Variants in NKAIN3 observed in about 807,000 individuals in gnomAD.
NKAIN3 encodes sodium/potassium-transporting ATPase subunit beta-1-interacting protein 3.
In NKAIN3, 25 loss-of-function variants were observed where a neutral mutation model predicts 30.2. The ratio of observed to expected loss-of-function variants is 0.83; its 90% CI spans 0.60 to 1.16. The LOEUF is 1.16. Among genes scored for constraint, NKAIN3 ranks in the 50% most tolerant of loss-of-function variants. The pLI is 0.00. For synonymous variants in NKAIN3, 91 were observed against 89.6 expected (o/e 1.02, Z -0.09); for missense variants, 225 against 254.1 (o/e 0.89, Z 0.78).
At chr8:62,857,316 A>G (rs773155403) in intron 4 of NKAIN3, among the ~76,000 whole-genome samples, 4 of 152,186 alleles carry the variant, frequency 2.6e-5, no homozygotes, top group Admixed American at 6.5e-5. Flanking sequence ...TCTGATGATT[A>G]TGTATCTTGG....
intron 5 of NKAIN3, among the ~76,000 whole-genome samples, chr8:62,938,293 T>C (rs528323651): frequency 6.6e-5 from 10 of 151,816 alleles, no homozygotes; most frequent in Admixed American, 5.2e-4. Context: ...GCTAACCAAC[T>C]CAAACCATAA....
intron 3 of NKAIN3, among the ~76,000 whole-genome samples, chr8:62,590,293 A>G (rs1293816661): frequency 6.6e-6 from 1 of 151,890 alleles, no homozygotes; most frequent in Non-Finnish European, 1.5e-5. Flanking sequence ...AAGTAAATGC[A>G]TCAGCGTGGT....
intron 3 of NKAIN3, among the ~76,000 whole-genome samples, chr8:62,611,932 C>T (rs1811306694): frequency 1.3e-5 from 2 of 152,050 alleles, no homozygotes; most frequent in African/African-American, 4.8e-5. Context: ...CCCTTTTCTT[C>T]ACATCCTTGC....
chr8:62,274,377 C>A (rs892798612), intron 1 of NKAIN3, among the ~76,000 whole-genome samples: 1 of 152,062 alleles, frequency 6.6e-6, no homozygotes, highest in African/African-American at 2.4e-5. Context: ...AGTCTATGAT[C>A]TGTGATTCCT....
chr8:62,616,933 A>G (rs1811472554), intron 3 of NKAIN3, among the ~76,000 whole-genome samples: 1 of 152,144 alleles, frequency 6.6e-6, no homozygotes, highest in Admixed American at 6.6e-5. Context: ...GTCATGAGGG[A>G]TTTCTCATAA....
chr8:62,927,991 A>C (rs980716798), intron 5 of NKAIN3, among the ~76,000 whole-genome samples: 14 of 152,194 alleles, frequency 9.2e-5, no homozygotes, highest in African/African-American at 3.4e-4. Flanking sequence ...AAGAAGTATC[A>C]TACAAGTAAC....
intron 1 of NKAIN3, among the ~76,000 whole-genome samples, chr8:62,310,839 C>T (rs1479496561): frequency 6.7e-6 from 1 of 150,324 alleles, no homozygotes; most frequent in Non-Finnish European, 1.5e-5. Flanking sequence ...TGCTGAGAGG[C>T]TGAGAGTACA....
chr8:62,452,445 C>T (rs1042363007), intron 1 of NKAIN3, among the ~76,000 whole-genome samples: 16 of 151,902 alleles, frequency 1.1e-4, no homozygotes, highest in South Asian at 6.2e-4. Flanking sequence ...CACTGCACTC[C>T]GGCCTGGGTG....
intron 1 of NKAIN3, among the ~76,000 whole-genome samples, chr8:62,449,095 A>C (rs1249221137): frequency 1.3e-5 from 2 of 152,150 alleles, no homozygotes; most frequent in East Asian, 3.9e-4. Context: ...TTTAAAATGC[A>C]CCAGAAATCT....
rs188957133 is a variant in NKAIN3 at position 62,517,793 on chromosome 8, A to C, written c.55-61746A>C. Among the ~76,000 whole-genome samples the C allele has an allele frequency of 8.5e-5, 13 of 152,284 alleles. No individual in the cohort carries two copies. In the East Asian group the frequency reaches 2.3e-3, roughly 27 times the overall value. ...GGACCATCGATTTTAAGTTCTTCTG[A>C]GATAATATGGTCTACAGTTTGTTCA... is the stretch of plus-strand genomic sequence containing the variant. On this transcript the variant is annotated intron_variant, in intron 1 of 6. Coordinates refer to ENST00000623646, the MANE Select transcript of NKAIN3 (RefSeq NM_001304533.3).
intron 4 of NKAIN3, among the ~76,000 whole-genome samples, chr8:62,785,559 G>A (rs910558783): frequency 6.6e-6 from 1 of 152,052 alleles, no homozygotes; most frequent in Non-Finnish European, 1.5e-5. Flanking sequence ...ACTGAATTGT[G>A]CACTTTAAAT....
intron 4 of NKAIN3, among the ~76,000 whole-genome samples, chr8:62,842,621 T>G (rs1819567682): frequency 6.6e-6 from 1 of 152,004 alleles, no homozygotes; most frequent in African/African-American, 2.4e-5. Context: ...TTTATAAAAG[T>G]GATTATAATT....
At chr8:62,503,323 G>A (rs552870569) in intron 1 of NKAIN3, among the ~76,000 whole-genome samples, 1 of 152,282 alleles carries the variant, frequency 6.6e-6, no homozygotes, top group Non-Finnish European at 1.5e-5. Context: ...TATGAACAGG[G>A]AGTAGGTCAC....
chr8:62,431,768 C>T (rs1246192481), intron 1 of NKAIN3, among the ~76,000 whole-genome samples: 1 of 150,142 alleles, frequency 6.7e-6, no homozygotes, highest in Non-Finnish European at 1.5e-5. Flanking sequence ...GTCTTGTTAC[C>T]AGTCGGTAGT....
chr8:62,843,817 T>A (rs1177898290), intron 4 of NKAIN3, among the ~76,000 whole-genome samples: 1 of 152,150 alleles, frequency 6.6e-6, no homozygotes, highest in Non-Finnish European at 1.5e-5. Flanking sequence ...AAGAGAGCTT[T>A]CTGTGTCTCC....
At chr8:62,714,508 G>A (rs1004249736) in intron 3 of NKAIN3, among the ~76,000 whole-genome samples, 1 of 151,870 alleles carries the variant, frequency 6.6e-6, no homozygotes, top group South Asian at 2.1e-4. Context: ...ACTTTATATG[G>A]GTTGTCCCAT....
At chr8:62,387,552 C>T (rs1271233371) in intron 1 of NKAIN3, among the ~76,000 whole-genome samples, 1 of 152,136 alleles carries the variant, frequency 6.6e-6, no homozygotes, top group Non-Finnish European at 1.5e-5. Flanking sequence ...ATACATAAGA[C>T]ATATGAAAGA....
intron 1 of NKAIN3, among the ~76,000 whole-genome samples, chr8:62,545,377 G>C (rs1235803981): frequency 6.6e-6 from 1 of 152,124 alleles, no homozygotes; most frequent in Non-Finnish European, 1.5e-5. Context: ...TTTGAGGCCA[G>C]GAGTTCAAGA....
intron 4 of NKAIN3, chr8:62,863,074 A>AT: frequency 9.6e-7 from 1 of 1,046,604 alleles, no homozygotes; most frequent in South Asian, 1.3e-5. Flanking sequence ...TCTGTATCAT[A>AT]TATCTCTCAA....
Sources: allele counts gnomAD v4.1 joint callset (sites outside exome capture counted in the v4.1 genomes callset), GRCh38; gene constraint gnomAD v4.1.1; transcripts MANE v1.5; gene names NCBI Gene and HGNC (gene_info 2026-07-23, HGNC 2026-07-21).